Variants in AP1AR observed in about 807,000 individuals in gnomAD.
The protein encoded by AP1AR is adaptor related protein complex 1 associated regulatory protein.
Under a neutral mutation model 46.3 loss-of-function variants are expected in AP1AR, and 29 were observed. The ratio of observed to expected loss-of-function variants is 0.63; its 90% CI spans 0.47 to 0.85. AP1AR has a LOEUF of 0.85. AP1AR is among the 40% of genes least tolerant of loss of function. The pLI, the probability that AP1AR is intolerant of heterozygous loss-of-function variation, is 0.00. For missense variants in AP1AR, 357 were observed against 356.3 expected (o/e 1.00, Z -0.02); for synonymous variants, 122 against 122.9 (o/e 0.99, Z 0.05).
intron 1 of AP1AR, among the ~76,000 whole-genome samples, chr4:112,249,973 A>C (rs1725886692): frequency 6.6e-6 from 1 of 152,246 alleles, no homozygotes; most frequent in African/African-American, 2.4e-5. Flanking sequence ...CCAAGGTGGC[A>C]GGACCTTTAT....
In AP1AR at chr4:112,257,808, G is replaced by C; in HGVS notation, c.185+11G>C. The stretch of plus-strand genomic sequence containing the variant: ...AGGAAGCAGTCATAGGTAAGGCTTT[G>C]TTAAAAAAAAAAAACAAAACTTCTA... On this transcript the variant is annotated intron_variant, in intron 4 of 9. Transcript: ENST00000274000. The C allele has an allele frequency of 6.6e-7, 1 of 1,522,536 alleles. No individual in the cohort carries two copies. The highest frequency in any genetic ancestry group is 1.3e-5 in the South Asian group (1 of 77,380). The allele number at this position is 1,522,536 out of a possible 1,614,324, so 94.3% of individuals were successfully genotyped here.
rs192642567 is a variant in AP1AR at position 112,272,395 on chromosome 4, G to A, written c.*3986G>A. Among the ~76,000 whole-genome samples the A allele has an allele frequency of 7.9e-5, 12 of 152,168 alleles. No homozygotes were observed. Among genetic ancestry groups the A allele is most frequent in the East Asian group, 5.8e-4 (3 of 5,170 alleles). ...CCTCTGGGGGCATGACCAGACATGC[G>A]CAGTAAGGGGCAAAATGACAGAGTT... On this transcript the variant is annotated 3_prime_UTR_variant, in exon 10 of 10. Coordinates refer to ENST00000274000, the MANE Select transcript of AP1AR (RefSeq NM_018569.6).
chr4:112,260,669 T>A (rs1726401229), intron 4 of AP1AR, 97 bp from the exon 5 acceptor site: 2 of 745,504 alleles, frequency 2.7e-6, no homozygotes, highest in Non-Finnish European at 4.1e-6. Context: ...AACAGCAAAA[T>A]TTGAGAATTT....
At chr4:112,250,249 A>C in intron 1 of AP1AR, among the ~76,000 whole-genome samples, 1 of 152,254 alleles carries the variant, frequency 6.6e-6, no homozygotes, top group East Asian at 1.9e-4. Context: ...AGTTTATTAT[A>C]GGAAACATTG....
intron 1 of AP1AR, among the ~76,000 whole-genome samples, chr4:112,242,546 T>C (rs1369397499): frequency 6.6e-6 from 1 of 152,112 alleles, no homozygotes; most frequent in East Asian, 1.9e-4. Context: ...CTTCCACTAG[T>C]GGCAAAAGGT....
intron 3 of AP1AR, among the ~76,000 whole-genome samples, chr4:112,256,409 A>G (rs1329276630): frequency 6.6e-6 from 1 of 152,220 alleles, no homozygotes; most frequent in Non-Finnish European, 1.5e-5. Context: ...GTTAAAAGTA[A>G]GCCTTCTTTC....
At chr4:112,244,659 C>T (rs1725647394) in intron 1 of AP1AR, among the ~76,000 whole-genome samples, 1 of 151,984 alleles carries the variant, frequency 6.6e-6, no homozygotes, top group Non-Finnish European at 1.5e-5. Context: ...CAGTAGTCTC[C>T]TGTCAGTAAT....
intron 1 of AP1AR, among the ~76,000 whole-genome samples, chr4:112,233,918 GC>G (rs1725129978): frequency 6.6e-6 from 1 of 152,106 alleles, no homozygotes; most frequent in Non-Finnish European, 1.5e-5. Context: ...GTGCAGTGGC[GC>G]GCGATCTCGG....
chr4:112,252,326 A>G (rs17044340), intron 1 of AP1AR, among the ~76,000 whole-genome samples: 3,342 of 152,324 alleles, frequency 0.022, 129 homozygotes, highest in African/African-American at 0.076. Flanking sequence ...CTGTCCATGA[A>G]TCCTGATGAT....
chr4:112,265,075 G>A lies in AP1AR; in HGVS notation c.440+8G>A, dbSNP rs764686481. 1.3e-6 allele frequency: 2 copies of A among 1,595,516 alleles called. No homozygotes were observed. The highest frequency in any genetic ancestry group is 2.3e-5 in the East Asian group (1 of 44,428). On this transcript the variant is annotated splice_region_variant and intron_variant, in intron 7 of 9. Transcript: ENST00000274000. ...CAATGGAGAATATCAAAGGTAAATA[G>A]TGAAACATATGCCTCCTTCCCTTTG...
chr4:112,238,782 C>T (rs1372667943), intron 1 of AP1AR, among the ~76,000 whole-genome samples: 1 of 152,210 alleles, frequency 6.6e-6, no homozygotes, highest in Non-Finnish European at 1.5e-5. Context: ...AGTCTGAGCT[C>T]TGAAATATCT....
chr4:112,265,872 G>T (rs1423110536), intron 8 of AP1AR, 65 bp downstream of exon 8: 3 of 1,049,810 alleles, frequency 2.9e-6, no homozygotes, highest in Admixed American at 2.5e-5. Context: ...AGAGATTCTG[G>T]CTCTGTTTCT....
At chr4:112,237,980 A>G (rs1725326811) in intron 1 of AP1AR, among the ~76,000 whole-genome samples, 1 of 150,564 alleles carries the variant, frequency 6.6e-6, no homozygotes, top group Non-Finnish European at 1.5e-5. Context: ...GGCAGGTGGT[A>G]TGGTCTGTCA....
chr4:112,265,624 T>C (rs1726668739), intron 7 of AP1AR, 110 bp from the exon 8 acceptor site: 3 of 702,032 alleles, frequency 4.3e-6, no homozygotes, highest in South Asian at 1.9e-5. Context: ...ACAGCAGTTA[T>C]GAATTTGTAT....
intron 1 of AP1AR, among the ~76,000 whole-genome samples, chr4:112,238,735 C>T (rs999209830): frequency 1.3e-5 from 2 of 152,192 alleles, no homozygotes; most frequent in Admixed American, 6.5e-5. Flanking sequence ...AATGGTACTT[C>T]ACCTACTACT....
rs1011162379 is a variant in AP1AR, at chr4:112,271,694, T to C, written c.*3285T>C. The stretch of plus-strand genomic sequence containing the variant: ...AACAGGTTTGGGAAAGTGGGGAAAA[T>C]GAAAGAGTTCTATTTGAAAAGTTAA... On this transcript the variant is annotated 3_prime_UTR_variant, in exon 10 of 10. Coordinates refer to ENST00000274000, the MANE Select transcript of AP1AR (RefSeq NM_018569.6). Among the ~76,000 whole-genome samples, 1 of 152,160 alleles carries C rather than the reference T, an allele frequency of 6.6e-6. No homozygotes were observed. Among genetic ancestry groups the C allele is most frequent in the African/African-American group, 2.4e-5 (1 of 41,426 alleles).
rs1176704713 is a variant in AP1AR, at chr4:112,268,272, C to G, written c.772C>G (p.Leu258Val). The change falls in exon 10 of 10, where the codon CTG (leucine) becomes GTG (valine). Residue 258 changes from leucine (L) to valine (V), a missense_variant. By Grantham distance (32) the Leu-to-Val change is conservative. This residue lies in a region of AP1AR where 88 missense variants were observed against 132.7 expected (regional missense o/e 0.66). Coordinates refer to ENST00000274000, the MANE Select transcript of AP1AR (RefSeq NM_018569.6). The part of the protein sequence containing the change: ...PTSASDDSNG[L>V]EWENDFVSAE... ...ATCAGCCTCTGATGATTCCAATGGG[C>G]TGGAGTGGGAAAATGATTTTGTTAG... The G allele has an allele frequency of 6.2e-7, 1 of 1,613,054 alleles. No homozygotes were observed. Among genetic ancestry groups the G allele is most frequent in the African/African-American group, 1.3e-5 (1 of 74,826 alleles).
At chr4:112,258,145 A>T (rs1253110410) in intron 4 of AP1AR, among the ~76,000 whole-genome samples, 1 of 151,976 alleles carries the variant, frequency 6.6e-6, no homozygotes, top group Non-Finnish European at 1.5e-5. Context: ...ATTCTACTAA[A>T]TTTTTTCACA....
In AP1AR at chr4:112,272,239, T is replaced by C. The variant is rs1052042560; in HGVS notation, c.*3830T>C. On this transcript the variant is annotated 3_prime_UTR_variant, in exon 10 of 10. Coordinates refer to ENST00000274000, the MANE Select transcript of AP1AR (RefSeq NM_018569.6). ...TAGCTTTAGAGTAGATAGGCAGATA[T>C]GAACAGGGCAGGACAGCGCCACAAA... Among the ~76,000 whole-genome samples the C allele has an allele frequency of 1.3e-5, 2 of 152,036 alleles. No homozygotes were observed. Among genetic ancestry groups the C allele is most frequent in the Non-Finnish European group, 1.5e-5 (1 of 68,022 alleles).
Sources: allele counts gnomAD v4.1 joint callset (sites outside exome capture counted in the v4.1 genomes callset), GRCh38; gene constraint gnomAD v4.1.1; regional missense constraint gnomAD v4.1.1; transcripts MANE v1.5; gene names NCBI Gene and HGNC (gene_info 2026-07-23, HGNC 2026-07-21).